The following LMBRD1 variants were observed in gnomAD, a reference collection of about 807,000 sequenced individuals.
The protein encoded by LMBRD1 is lysosomal cobalamin transport escort protein LMBD1.
LMBRD1 carries 64 observed loss-of-function variants against 74.8 expected under a neutral mutation model. The ratio of observed to expected loss-of-function variants is 0.86; its 90% CI spans 0.70 to 1.05. The LOEUF (loss-of-function observed/expected upper bound fraction) is 1.05, where lower values mean the gene tolerates loss of function less well. LMBRD1 is among the 50% of genes least tolerant of loss of function. LMBRD1 has a pLI of 0.00. For synonymous variants in LMBRD1, 204 were observed against 216.3 expected, an observed-to-expected ratio of 0.94 and a Z score of 0.50; for missense variants, 652 against 645.9, an observed-to-expected ratio of 1.01 and a Z score of -0.10.
At chr6:69,691,857 C>G in intron 14 of LMBRD1, among the ~76,000 whole-genome samples, 1 of 116,732 alleles carries the variant, frequency 8.6e-6, no homozygotes, top group East Asian at 2.7e-4. Flanking sequence ...GACTGGGCGA[C>G]AGTGTGAGAC....
At chr6:69,680,136 AC>A (rs1742836566) in intron 14 of LMBRD1, among the ~76,000 whole-genome samples, 1 of 152,078 alleles carries the variant, frequency 6.6e-6, no homozygotes, top group Non-Finnish European at 1.5e-5. Context: ...CCTTTAAATA[AC>A]CAATTTGAAT....
chr6:69,717,240 T>C (rs1766511296), intron 8 of LMBRD1, among the ~76,000 whole-genome samples: 1 of 152,154 alleles, frequency 6.6e-6, no homozygotes, highest in Non-Finnish European at 1.5e-5. Context: ...TATTTTAGAT[T>C]ATCATGGTAG....
rs938693978 is a variant in LMBRD1 at position 69,718,860 on chromosome 6, A to G, written c.762+96T>C. The stretch of plus-strand genomic sequence containing the variant: ...GCTGCAAAAAATTCAAACAATGTAA[A>G]AAGTTATGGGGTTGACAATGTCTAA... On this transcript the variant is annotated intron_variant, in intron 8 of 15. Coordinates refer to ENST00000649934, the MANE Select transcript of LMBRD1 (RefSeq NM_018368.4). 3.0e-6 allele frequency: 4 copies of G among 1,349,492 alleles called. No individual in the cohort carries two copies. In the African/African-American group the frequency reaches 5.8e-5, roughly 19 times the overall value. 83.6% of individuals were successfully genotyped at this position (1,349,492 alleles called of 1,614,324 possible).
chr6:69,682,377 A>T (rs930342351), intron 14 of LMBRD1, among the ~76,000 whole-genome samples: 2 of 151,930 alleles, frequency 1.3e-5, no homozygotes, highest in Non-Finnish European at 2.9e-5. Context: ...TGCACTTAAG[A>T]ATAAGTTTCA....
intron 7 of LMBRD1, among the ~76,000 whole-genome samples, chr6:69,721,810 C>T (rs1214129521): frequency 6.6e-6 from 1 of 152,204 alleles, no homozygotes; most frequent in African/African-American, 2.4e-5. Context: ...TAGACATGCC[C>T]TGTCCAGAAG....
At chr6:69,752,811 TATAA>T (rs1189605350) in intron 3 of LMBRD1, among the ~76,000 whole-genome samples, 1 of 152,224 alleles carries the variant, frequency 6.6e-6, no homozygotes, top group East Asian at 1.9e-4. Context: ...TTCTTTGTGA[TATAA>T]ATAATTTTCT....
chr6:69,772,058 G>A (rs962292071), intron 3 of LMBRD1, among the ~76,000 whole-genome samples: 3 of 152,162 alleles, frequency 2.0e-5, no homozygotes, highest in Admixed American at 1.3e-4. Context: ...AAAACCTACT[G>A]TATGACAGAT....
chr6:69,701,865 A>C, intron 10 of LMBRD1, 24 bp downstream of exon 10: 3 of 1,456,452 alleles, frequency 2.1e-6, no homozygotes, highest in Non-Finnish European at 2.9e-6. Flanking sequence ...TAAGTGCTTT[A>C]GAAAATGTGT....
At position 69,675,299 on chromosome 6, in the gene LMBRD1, C is replaced by T. The variant is rs1765522571; in HGVS notation, c.*859G>A. Among the ~76,000 whole-genome samples, 1 of 152,006 alleles carries T rather than the reference C, an allele frequency of 6.6e-6. No homozygotes were observed. Among genetic ancestry groups the T allele is most frequent in the South Asian group, 2.1e-4 (1 of 4,832 alleles). ...TAATTTTTTATTATTTCTCACTATC[C>T]AGAATGTGTTCAAAATACCCTACTG... On this transcript the variant is annotated 3_prime_UTR_variant, in exon 16 of 16. Coordinates refer to ENST00000649934, the MANE Select transcript of LMBRD1 (RefSeq NM_018368.4).
intron 1 of LMBRD1, among the ~76,000 whole-genome samples, chr6:69,791,705 C>T (rs1410976985): frequency 6.6e-6 from 1 of 152,184 alleles, no homozygotes; most frequent in Non-Finnish European, 1.5e-5. Context: ...ATCCTTCTAC[C>T]GCAAGCAAGA....
chr6:69,748,067 T>G (rs892562584), intron 5 of LMBRD1, among the ~76,000 whole-genome samples: 4 of 152,214 alleles, frequency 2.6e-5, no homozygotes, highest in Non-Finnish European at 4.4e-5. Flanking sequence ...TCACTCATGT[T>G]CTAAAATAGG....
intron 7 of LMBRD1, among the ~76,000 whole-genome samples, chr6:69,723,529 A>C (rs1382704503): frequency 1.3e-5 from 2 of 152,146 alleles, no homozygotes; most frequent in Non-Finnish European, 2.9e-5. Context: ...TTAGAGAACT[A>C]TACAAACACA....
At chr6:69,703,099 T>C (rs750352686) in intron 9 of LMBRD1, among the ~76,000 whole-genome samples, 64 of 152,174 alleles carry the variant, frequency 4.2e-4, no homozygotes, top group Admixed American at 5.9e-4. Flanking sequence ...TGATATTGCA[T>C]GTACTATTTT....
Position 69,790,492 on chromosome 6 carries a change from G to T in LMBRD1, c.70-20C>A. 6.2e-7 allele frequency: 1 copy of T among 1,608,884 alleles called. No homozygotes were observed. The highest frequency in any genetic ancestry group is 8.5e-7 in the Non-Finnish European group (1 of 1,175,618). ...AATAGCCTGAAATAGAACAAAAAGA[G>T]ATGTTTGTTACTACCCAGTGTATTT... On this transcript the variant is annotated intron_variant, in intron 1 of 15. Transcript: ENST00000649934.
At chr6:69,757,318 T>C (rs775267968) in intron 3 of LMBRD1, among the ~76,000 whole-genome samples, 10 of 152,150 alleles carry the variant, frequency 6.6e-5, no homozygotes, top group Admixed American at 2.6e-4. Flanking sequence ...CAACCAAAAT[T>C]CCCATGTTGC....
intron 9 of LMBRD1, among the ~76,000 whole-genome samples, chr6:69,707,717 A>C: frequency 6.6e-6 from 1 of 152,174 alleles, no homozygotes; most frequent in East Asian, 1.9e-4. Context: ...TAGTCTCAAT[A>C]ATATCTTACT....
chr6:69,758,107 C>T (rs912223064), intron 3 of LMBRD1, among the ~76,000 whole-genome samples: 5 of 152,252 alleles, frequency 3.3e-5, no homozygotes, highest in African/African-American at 1.2e-4. Context: ...CAACAATCTA[C>T]CTTTTAAAAG....
intron 14 of LMBRD1, among the ~76,000 whole-genome samples, chr6:69,692,105 T>C (rs1765897563): frequency 6.6e-6 from 1 of 152,202 alleles, no homozygotes; most frequent in Non-Finnish European, 1.5e-5. Context: ...ATTATAAGCC[T>C]GCTTTAGCTT....
intron 3 of LMBRD1, among the ~76,000 whole-genome samples, chr6:69,760,638 C>T (rs988745901): frequency 2.4e-4 from 37 of 152,316 alleles, no homozygotes; most frequent in African/African-American, 7.2e-4. Context: ...TCTGTATTCA[C>T]GACCTGTGTA....
Sources: gnomAD v4.1 joint callset for allele counts (sites outside exome capture counted in the v4.1 genomes callset) on GRCh38, gnomAD v4.1.1 for gene constraint, MANE v1.5 for transcripts, NCBI Gene and HGNC (gene_info 2026-07-23, HGNC 2026-07-21) for gene names.